Variants in SCAND3 observed in about 807,000 individuals in gnomAD.
SCAND3 encodes the protein SCAN domain-containing protein 3.
chr6:28,573,723 T>C, the SCAND3 span: 1 of 1,609,010 alleles, frequency 6.2e-7, no homozygotes, highest in Non-Finnish European at 8.5e-7. Flanking sequence ...TTTTCCCTTC[T>C]TCAGGATAAC....
chr6:28,598,895 G>T, the SCAND3 span, among the ~76,000 whole-genome samples: 1 of 119,576 alleles, frequency 8.4e-6, no homozygotes, highest in Admixed American at 8.2e-5. Context: ...AAAAAAAAAA[G>T]AAAAAAGAAA....
chr6:28,586,523 C>T, the SCAND3 span: 2 of 1,614,250 alleles, frequency 1.2e-6, no homozygotes. This position sits in a 1 kb window ranked among gnomAD's most constrained non-coding sequence, Gnocchi z 4.4. Context: ...CCTCCCTGGG[C>T]CCAGGTGTCT....
At chr6:28,583,877 A>G in the SCAND3 span, among the ~76,000 whole-genome samples, 1 of 152,236 alleles carries the variant, frequency 6.6e-6, no homozygotes, top group South Asian at 2.1e-4. Flanking sequence ...CCTGTGTGTC[A>G]GATTGCAGCA....
At chr6:28,615,916 ATATTCT>A in the SCAND3 span, 1 of 152,144 alleles carries the variant, frequency 6.6e-6, no homozygotes, top group African/African-American at 2.4e-5. Context: ...AAGATGTGTG[ATATTCT>A]TAGTCTATCA....
the SCAND3 span, among the ~76,000 whole-genome samples, chr6:28,602,956 ATTTTTTTTT>A: frequency 4.2e-5 from 4 of 94,454 alleles, no homozygotes; most frequent in African/African-American, 1.5e-4. Context: ...CCAAAAAAAA[ATTTTTTTTT>A]TTTTTTTTTT....
At chr6:28,614,627 G>A in the SCAND3 span, among the ~76,000 whole-genome samples, 3 of 151,878 alleles carry the variant, frequency 2.0e-5, no homozygotes, top group African/African-American at 7.3e-5. Flanking sequence ...ACCACACCCA[G>A]CTAATTTTTG....
chr6:28,573,092 A>T, the SCAND3 span: 1 of 1,608,104 alleles, frequency 6.2e-7, no homozygotes, highest in Non-Finnish European at 8.5e-7. Context: ...GAGGCTGAAA[A>T]AAAGAACTCT....
At chr6:28,574,266 T>C in the SCAND3 span, among the ~76,000 whole-genome samples, 2 of 152,224 alleles carry the variant, frequency 1.3e-5, no homozygotes, top group Non-Finnish European at 1.5e-5. Context: ...AGTACTGCTC[T>C]ACTGATCACA....
At chr6:28,575,039 C>G in the SCAND3 span, 8 of 1,614,118 alleles carry the variant, frequency 5.0e-6, no homozygotes, top group Non-Finnish European at 6.8e-6. The surrounding 1 kb of genome is among the most constrained non-coding windows in gnomAD (Gnocchi z 4.2). Flanking sequence ...TTTTCTAACT[C>G]TTTGTCAGCC....
At chr6:28,573,172 C>T in the SCAND3 span, 1 of 1,613,558 alleles carries the variant, frequency 6.2e-7, no homozygotes, top group Non-Finnish European at 8.5e-7. Context: ...AATATCTCTG[C>T]ATTCATCAAG....
the SCAND3 span, among the ~76,000 whole-genome samples, chr6:28,597,434 T>C: frequency 6.6e-6 from 1 of 152,098 alleles, no homozygotes; most frequent in Non-Finnish European, 1.5e-5. Context: ...ATGCTAAGCG[T>C]GGCAAAGTCA....
the SCAND3 span, among the ~76,000 whole-genome samples, chr6:28,596,475 C>A: frequency 6.6e-6 from 1 of 151,772 alleles, no homozygotes; most frequent in Non-Finnish European, 1.5e-5. Context: ...AAAGAATTAA[C>A]AACAGTGGTT....
the SCAND3 span, chr6:28,571,746 T>C: frequency 1.1e-5 from 7 of 654,922 alleles, no homozygotes; most frequent in Admixed American, 3.9e-5. Context: ...ATTGAAAATA[T>C]ACATATAGGC....
the SCAND3 span, among the ~76,000 whole-genome samples, chr6:28,607,519 GTT>G: frequency 2.7e-5 from 4 of 149,316 alleles, no homozygotes; most frequent in African/African-American, 9.8e-5. Context: ...TTTATTCACT[GTT>G]TTTTTTTTCT....
At chr6:28,610,529 AG>A in the SCAND3 span, among the ~76,000 whole-genome samples, 1 of 152,172 alleles carries the variant, frequency 6.6e-6, no homozygotes, top group Non-Finnish European at 1.5e-5. Flanking sequence ...GAAAAAAGAA[AG>A]AAAGAGAGAG....
At chr6:28,583,025 G>C in the SCAND3 span, among the ~76,000 whole-genome samples, 2 of 152,118 alleles carry the variant, frequency 1.3e-5, no homozygotes, top group Non-Finnish European at 2.9e-5. Flanking sequence ...TTTTACCTTA[G>C]AAAGGTGATG....
At chr6:28,608,312 A>C in the SCAND3 span, among the ~76,000 whole-genome samples, 2 of 152,158 alleles carry the variant, frequency 1.3e-5, no homozygotes, top group Non-Finnish European at 2.9e-5. Flanking sequence ...TGGAGACCAG[A>C]GGTCTGAGCC....
chr6:28,605,217 A>G, the SCAND3 span, among the ~76,000 whole-genome samples: 90 of 152,164 alleles, frequency 5.9e-4, 1 homozygote, highest in Non-Finnish European at 2.1e-4. Context: ...TCTCACAGCT[A>G]TGGCTTTGAC....
At chr6:28,606,824 C>G in the SCAND3 span, among the ~76,000 whole-genome samples, 1 of 152,202 alleles carries the variant, frequency 6.6e-6, no homozygotes, top group African/African-American at 2.4e-5. Flanking sequence ...GCGAGGATCC[C>G]CTTTGACGCC....
Sources: allele counts gnomAD v4.1 joint callset (sites outside exome capture counted in the v4.1 genomes callset), GRCh38; gene constraint gnomAD v4.1.1; non-coding constraint Gnocchi (gnomAD v3.1); transcripts MANE v1.5; gene names NCBI Gene and HGNC (gene_info 2026-07-23, HGNC 2026-07-21).